NBPF14: variants seen among roughly 807,000 people sequenced by gnomAD.
NBPF14 encodes the protein NBPF member 14.
A neutral mutation model predicts 91.2 loss-of-function variants in NBPF14; 104 were observed. The ratio of observed to expected loss-of-function variants is 1.14; its 90% CI spans 0.97 to 1.34. NBPF14 has a LOEUF of 1.34. Ranked by LOEUF, NBPF14 falls within the 40% of genes most tolerant of loss-of-function variation. NBPF14 has a pLI of 0.00. For missense variants in NBPF14, 908 were observed against 783.0 expected (o/e 1.16, Z -1.91); for synonymous variants, 294 against 303.8 (o/e 0.97, Z 0.34).
At chr1:148,576,770 CT>C (rs1659845475) in intron 15 of NBPF14, among the ~76,000 whole-genome samples, 1 of 148,582 alleles carries the variant, frequency 6.7e-6, no homozygotes, top group African/African-American at 2.4e-5. Flanking sequence ...CAAATGGTTG[CT>C]AGGAGAAAAA....
chr1:148,593,466 T>C, intron 3 of NBPF14, 132 bp downstream of exon 3: 1 of 647,918 alleles, frequency 1.5e-6, no homozygotes, highest in Non-Finnish European at 2.7e-6. Context: ...AATATTTTTG[T>C]GTCATGAGCC....
At chr1:148,587,059 T>C (rs1369950732) in intron 8 of NBPF14, among the ~76,000 whole-genome samples, 3 of 147,766 alleles carry the variant, frequency 2.0e-5, no homozygotes, top group Non-Finnish European at 4.5e-5. Flanking sequence ...TTTTGTGTTA[T>C]GTAAATTTCA....
intron 29 of NBPF14, 28 bp downstream of exon 29, chr1:148,566,115 C>T (rs1658217785): frequency 4.3e-6 from 2 of 464,324 alleles, no homozygotes; most frequent in Non-Finnish European, 7.3e-6. Context: ...TCAGTGGATC[C>T]TTATCACCTT....
At chr1:148,593,177 T>C (rs1338327412) in intron 3 of NBPF14, among the ~76,000 whole-genome samples, 4 of 145,616 alleles carry the variant, frequency 2.7e-5, no homozygotes, top group South Asian at 4.4e-4. Context: ...ATTGAAAAGA[T>C]GAAAGAAGAA....
At chr1:148,534,698 G>C (rs1654713137) in exon 69 of NBPF14, 1 of 831,196 alleles carries the variant, frequency 1.2e-6, no homozygotes, top group East Asian at 2.4e-5. Flanking sequence ...CACGTCAAGA[G>C]CCAAGCCAAG....
intron 67 of NBPF14, among the ~76,000 whole-genome samples, 185 bp downstream of exon 67, chr1:148,536,039 C>T (rs1655144424): frequency 1.3e-5 from 2 of 150,004 alleles, no homozygotes; most frequent in Non-Finnish European, 3.0e-5. Context: ...GAGAGCCTTG[C>T]TCACTGACCC....
At chr1:148,578,879 G>C (rs1349398032) in intron 13 of NBPF14, among the ~76,000 whole-genome samples, 195 bp downstream of exon 13, 1 of 148,884 alleles carries the variant, frequency 6.7e-6, no homozygotes, top group Non-Finnish European at 1.5e-5. Context: ...ACTAGGAAGA[G>C]AGTAAAGCTC....
Position 148,591,524 on chromosome 1 carries a change from G to C in NBPF14, c.494-20C>G. 1 of 1,607,844 alleles carries C rather than the reference G, an allele frequency of 6.2e-7. No individual in the cohort carries two copies. Reference sequence around the variant, plus strand: ...CATTTTCTAGAAATACAAAATGTTCGTTCAGATATTTCCCACTTCACATTC... The same window carrying C: ...CATTTTCTAGAAATACAAAATGTTCCTTCAGATATTTCCCACTTCACATTC... On this transcript the variant is annotated intron_variant, in intron 4 of 70. Transcript: ENST00000619423.
intron 69 of NBPF14, among the ~76,000 whole-genome samples, chr1:148,534,265 C>T (rs1384380985): frequency 3.3e-5 from 5 of 151,822 alleles, no homozygotes; most frequent in African/African-American, 9.7e-5. Context: ...AGCAAATACC[C>T]TCAATGATTT....
rs1369389452 is a variant in NBPF14, at chr1:148,587,517, G to C, written c.989-114C>G. The C allele has an allele frequency of 1.2e-3, 1,336 of 1,118,568 alleles. 11 individuals are homozygous for C. In the African/African-American group the frequency reaches 0.017, roughly 14 times the overall value. The allele number at this position is 1,118,568 out of a possible 1,614,324, so 69.3% of individuals were successfully genotyped here. A position where few individuals can be genotyped will look rare whatever the true frequency, so the allele number is the denominator to read the frequency against. ...AAGGACAAAACTCTCCCCAGTACCAGGGTCTAGACAGGGATTTCAACATCT... is the reference window on the plus strand; with the variant it reads ...AAGGACAAAACTCTCCCCAGTACCACGGTCTAGACAGGGATTTCAACATCT... On this transcript the variant is annotated intron_variant, in intron 7 of 70. Coordinates refer to ENST00000619423, the Ensembl canonical transcript of NBPF14.
Position 148,576,145 on chromosome 1 carries a change from A to C in NBPF14, c.2078+265T>G, listed in dbSNP as rs1199927023. ...AGTGATCATGAAAAGAGTGGGCTCA[A>C]TAATTTTCCGTAAACTTGCTCAAGA... On this transcript the variant is annotated intron_variant, in intron 16 of 70. Coordinates refer to ENST00000619423, the Ensembl canonical transcript of NBPF14. 2.8e-4 allele frequency among the ~76,000 whole-genome samples: 27 copies of C among 97,232 alleles called. 3 individuals are homozygous for C. Among genetic ancestry groups the C allele is most frequent in the African/African-American group, 2.0e-3 (27 of 13,358 alleles). 63.8% of individuals were successfully genotyped at this position (97,232 alleles called of 152,430 possible).
chr1:148,533,503 G>A (rs1654145488), intron 70 of NBPF14, among the ~76,000 whole-genome samples: 1 of 151,536 alleles, frequency 6.6e-6, no homozygotes, highest in African/African-American at 2.4e-5. Flanking sequence ...TTGGCCAGGT[G>A]ACATACTGGT....
At chr1:148,572,457 G>C (rs1254549510) in exon 21 of NBPF14, 2 of 525,064 alleles carry the variant, frequency 3.8e-6, no homozygotes, top group Non-Finnish European at 6.5e-6. Flanking sequence ...CACGTCAAGA[G>C]CCAAGCCAAG....
chr1:148,559,632 G>C (rs1219982834), intron 37 of NBPF14, among the ~76,000 whole-genome samples, 161 bp downstream of exon 37: 1 of 125,254 alleles, frequency 8.0e-6, no homozygotes, highest in Non-Finnish European at 1.5e-5. Flanking sequence ...CCTTGTCTGG[G>C]CTTCCAAGTG....
chr1:148,534,801 C>A (rs1276376154), exon 69 of NBPF14: 43 of 968,728 alleles, frequency 4.4e-5, no homozygotes, highest in Non-Finnish European at 6.3e-5. Context: ...TAACATCTAT[C>A]CAGTGAGTCC....
At chr1:148,535,110 A>T (rs1409861061) in intron 68 of NBPF14, among the ~76,000 whole-genome samples, 9 of 146,356 alleles carry the variant, frequency 6.1e-5, no homozygotes, top group Non-Finnish European at 1.3e-4. Context: ...TGACACACTG[A>T]TGAAGGGGTC....
At position 148,559,376 on chromosome 1, in the gene NBPF14, G is replaced by C. The variant is rs1367416351; in HGVS notation, c.4730-304C>G. Among the ~76,000 whole-genome samples, 16 of 132,406 alleles carry C rather than the reference G, an allele frequency of 1.2e-4. 2 individuals are homozygous for C. Among genetic ancestry groups the C allele is most frequent in the Non-Finnish European group, 2.1e-4 (14 of 66,648 alleles). The allele number at this position is 132,406 out of a possible 152,430, so 86.9% of individuals were successfully genotyped here. A position where few individuals can be genotyped will look rare whatever the true frequency, so the allele number is the denominator to read the frequency against. ...CGATTTAAAGCAATTGCCCCCAAAT[G>C]GTTGCTAGGAGAAAAACTGCACTAT... On this transcript the variant is annotated intron_variant, in intron 37 of 70. Transcript: ENST00000619423.
At chr1:148,595,300 T>C (rs1168149909) in intron 2 of NBPF14, among the ~76,000 whole-genome samples, 3 of 148,210 alleles carry the variant, frequency 2.0e-5, no homozygotes, top group African/African-American at 5.0e-5. Flanking sequence ...GTGCCTGCGT[T>C]AGAAATCAAT....
chr1:148,534,927 A>C (rs1654764410), intron 68 of NBPF14, 71 bp from the exon 69 acceptor site: 1 of 738,774 alleles, frequency 1.4e-6, no homozygotes, highest in Non-Finnish European at 2.5e-6. Context: ...GCTAGATTTC[A>C]TGGCTAACAT....
Sources: allele counts gnomAD v4.1 joint callset (sites outside exome capture counted in the v4.1 genomes callset), GRCh38; gene constraint gnomAD v4.1.1; transcripts MANE v1.5; gene names NCBI Gene and HGNC (gene_info 2026-07-23, HGNC 2026-07-21).